Variants in ASB13 observed in about 807,000 individuals in gnomAD.
The protein encoded by ASB13 is ankyrin repeat and SOCS box protein 13.
In ASB13, 33 loss-of-function variants were observed where a neutral mutation model predicts 28.8. That is an observed-to-expected ratio of 1.15 (90% confidence interval 0.87 to 1.53). The LOEUF is 1.53. Ranked by LOEUF, ASB13 falls within the 40% of genes most tolerant of loss-of-function variation. ASB13 has a pLI of 0.00. For missense variants in ASB13, 414 were observed against 390.1 expected (o/e 1.06, Z -0.52); for synonymous variants, 182 against 172.9 (o/e 1.05, Z -0.41).
At chr10:5,640,853 A>T (rs1272107680) in intron 5 of ASB13, 23 bp from the exon 6 acceptor site, 1 of 1,611,472 alleles carries the variant, frequency 6.2e-7, no homozygotes, top group Non-Finnish European at 8.5e-7. Context: ...GCAAGGAAGG[A>T]TGTGAGGTTA....
rs540265648 is a variant in ASB13, at chr10:5,663,814, C to T, written c.43+2695G>A. Among the ~76,000 whole-genome samples, 8 of 152,176 alleles carry T rather than the reference C, an allele frequency of 5.3e-5. No individual in the cohort carries two copies. In the South Asian group the frequency reaches 1.0e-3, roughly 20 times the overall value. The stretch of plus-strand genomic sequence containing the variant: ...AATTCCTATTTTAGGATAAAATAGC[C>T]GCCCACTCCAAGTAACTCTCTACCC... On this transcript the variant is annotated intron_variant, in intron 1 of 5. Transcript: ENST00000357700. This position sits in a 1 kb window ranked among gnomAD's most constrained non-coding sequence, Gnocchi z 4.9.
In ASB13 at chr10:5,655,875, G is replaced by T. The variant is rs1835062878; in HGVS notation, c.44-2825C>A. On this transcript the variant is annotated intron_variant, in intron 1 of 5. Coordinates refer to ENST00000357700, the MANE Select transcript of ASB13 (RefSeq NM_024701.4). This position sits in a 1 kb window ranked among gnomAD's most constrained non-coding sequence, Gnocchi z 6.2. ...GAGGCCACCTGAGCCGGGAAGGCGC[G>T]TTCCCGACGTGCCTCCATTCACAAG... Among the ~76,000 whole-genome samples the T allele has an allele frequency of 1.3e-5, 2 of 152,206 alleles. No homozygotes were observed. Among genetic ancestry groups the T allele is most frequent in the South Asian group, 4.1e-4 (2 of 4,828 alleles).
Position 5,649,099 on chromosome 10 carries a change from A to G in ASB13, c.388T>C (p.Ser130Pro), listed in dbSNP as rs1375352686. ...TCAATAAGAAGCCTCACACATTCGG[A>G]ACTCCCTTAAGATAAATGGAAAAGG... ...PLHEACMSGS[S>P]ECVRLLIDVG... The change falls in exon 4 of 6, where the codon TCC (serine) becomes CCC (proline). Residue 130 changes from serine (S) to proline (P), a missense_variant. By Grantham distance (74) the Ser-to-Pro change is moderately conservative (BLOSUM62 -1). Transcript: ENST00000357700. This position sits in a 1 kb window ranked among gnomAD's most constrained non-coding sequence, Gnocchi z 6.4. 3.3e-5 allele frequency: 54 copies of G among 1,614,094 alleles called. No individual in the cohort carries two copies. The highest frequency in any genetic ancestry group is 4.5e-5 in the Non-Finnish European group (53 of 1,180,040).
chr10:5,660,499 G>A lies in ASB13; in HGVS notation c.43+6010C>T, dbSNP rs1835143581. Among the ~76,000 whole-genome samples, 1 of 152,142 alleles carries A rather than the reference G, an allele frequency of 6.6e-6. No individual in the cohort carries two copies. The highest frequency in any genetic ancestry group is 6.5e-5 in the Admixed American group (1 of 15,270). On this transcript the variant is annotated intron_variant, in intron 1 of 5. Coordinates refer to ENST00000357700, the MANE Select transcript of ASB13 (RefSeq NM_024701.4). The surrounding 1 kb of genome is among the most constrained non-coding windows in gnomAD (Gnocchi z 6.1). ...ACCCTCAGGGAGCAGACTCTACAGGGGCAAGCTGCAGGAACCACCCTGCTC... is the reference window on the plus strand; with the variant it reads ...ACCCTCAGGGAGCAGACTCTACAGGAGCAAGCTGCAGGAACCACCCTGCTC...
Position 5,656,262 on chromosome 10 carries a change from G to A in ASB13, c.44-3212C>T, listed in dbSNP as rs980714226. ...CTAAAACCAATTATAAAGTCTGACTGGTCAAGGTGGTTCAAGCCTGTAATC... is the reference window on the plus strand; with the variant it reads ...CTAAAACCAATTATAAAGTCTGACTAGTCAAGGTGGTTCAAGCCTGTAATC... On this transcript the variant is annotated intron_variant, in intron 1 of 5. Transcript: ENST00000357700. The surrounding 1 kb of genome is among the most constrained non-coding windows in gnomAD (Gnocchi z 4.3). Among the ~76,000 whole-genome samples, 1 of 152,226 alleles carries A rather than the reference G, an allele frequency of 6.6e-6. No homozygotes were observed. The highest frequency in any genetic ancestry group is 2.1e-4 in the South Asian group (1 of 4,832).
In ASB13 at chr10:5,642,023, T is replaced by C; in HGVS notation, c.518-62A>G. On this transcript the variant is annotated intron_variant, in intron 4 of 5. Transcript: ENST00000357700. This position sits in a 1 kb window ranked among gnomAD's most constrained non-coding sequence, Gnocchi z 4.1. ...AGAGAACTTGAAGTCAGGGGGACAATCAGGTCCGTTTCGTCACACAGCACG... is the reference window on the plus strand; with the variant it reads ...AGAGAACTTGAAGTCAGGGGGACAACCAGGTCCGTTTCGTCACACAGCACG... 1 of 1,527,974 alleles carries C rather than the reference T, an allele frequency of 6.5e-7. No individual in the cohort carries two copies. Among genetic ancestry groups the C allele is most frequent in the Non-Finnish European group, 9.0e-7 (1 of 1,116,898 alleles). The allele number at this position is 1,527,974 out of a possible 1,614,324, so 94.7% of individuals were successfully genotyped here.
chr10:5,660,231 G>A lies in ASB13; in HGVS notation c.43+6278C>T, dbSNP rs1211175493. Among the ~76,000 whole-genome samples the A allele has an allele frequency of 6.6e-6, 1 of 152,202 alleles. No homozygotes were observed. The highest frequency in any genetic ancestry group is 1.5e-5 in the Non-Finnish European group (1 of 68,036). ...TGCAGACTACGGCAGACGTCACCTT[G>A]AGAAGGAATGACACGTGCTTCAGAA... On this transcript the variant is annotated intron_variant, in intron 1 of 5. Transcript: ENST00000357700. The surrounding 1 kb of genome is among the most constrained non-coding windows in gnomAD (Gnocchi z 6.1).
chr10:5,647,957 C>G (rs1192400364), intron 4 of ASB13, among the ~76,000 whole-genome samples: 2 of 151,546 alleles, frequency 1.3e-5, no homozygotes, highest in Admixed American at 6.6e-5. Flanking sequence ...AATACACACT[C>G]TGCAGGTAAA....
At position 5,651,552 on chromosome 10, in the gene ASB13, G is replaced by A; in HGVS notation, c.232-189C>T. On this transcript the variant is annotated intron_variant, in intron 2 of 5. Transcript: ENST00000357700. This position sits in a 1 kb window ranked among gnomAD's most constrained non-coding sequence, Gnocchi z 5.1. ...CGGAGCACCGACGGCCTCCTGAGTA[G>A]AGAAGTCATCTCGTTCAGGATTCTT... is the stretch of plus-strand genomic sequence containing the variant. 1 of 600,574 alleles carries A rather than the reference G, an allele frequency of 1.7e-6. No homozygotes were observed. The highest frequency in any genetic ancestry group is 2.8e-6 in the Non-Finnish European group (1 of 353,372). The allele number at this position is 600,574 out of a possible 1,614,324, so 37.2% of individuals were successfully genotyped here. A position where few individuals can be genotyped will look rare whatever the true frequency, so the allele number is the denominator to read the frequency against.
At position 5,658,292 on chromosome 10, in the gene ASB13, A is replaced by G. The variant is rs1268976114; in HGVS notation, c.44-5242T>C. Among the ~76,000 whole-genome samples the G allele has an allele frequency of 6.6e-6, 1 of 152,170 alleles. No homozygotes were observed. Among genetic ancestry groups the G allele is most frequent in the Non-Finnish European group, 1.5e-5 (1 of 68,028 alleles). On this transcript the variant is annotated intron_variant, in intron 1 of 5. Transcript: ENST00000357700. This position sits in a 1 kb window ranked among gnomAD's most constrained non-coding sequence, Gnocchi z 4.2. Reference sequence around the variant, plus strand: ...CTAAAATTACAAAAATTAGCTGGGCATGGTGGCCCATGCCTATAATCCCAG... The same window carrying G: ...CTAAAATTACAAAAATTAGCTGGGCGTGGTGGCCCATGCCTATAATCCCAG...
rs904568493 is a variant in ASB13 at position 5,656,340 on chromosome 10, C to G, written c.44-3290G>C. Among the ~76,000 whole-genome samples, 1 of 152,186 alleles carries G rather than the reference C, an allele frequency of 6.6e-6. No homozygotes were observed. Among genetic ancestry groups the G allele is most frequent in the South Asian group, 2.1e-4 (1 of 4,828 alleles). On this transcript the variant is annotated intron_variant, in intron 1 of 5. Transcript: ENST00000357700. This position sits in a 1 kb window ranked among gnomAD's most constrained non-coding sequence, Gnocchi z 4.3. ...GGATCACGAGGTCAGGAGTTTGAGA[C>G]CAGCCTGGCCAACATGGTGAAACCC... is the stretch of plus-strand genomic sequence containing the variant.
At chr10:5,640,956 T>A in intron 5 of ASB13, 126 bp from the exon 6 acceptor site, 1 of 1,267,074 alleles carries the variant, frequency 7.9e-7, no homozygotes. Flanking sequence ...ATGTGTCCTG[T>A]AGGCCTTCTC....
chr10:5,666,406 CG>C, intron 1 of ASB13, 102 bp downstream of exon 1: 1 of 1,057,070 alleles, frequency 9.5e-7, no homozygotes, highest in Non-Finnish European at 1.2e-6. Flanking sequence ...GGAGCCAGCG[CG>C]GGGCGCGCCA....
In ASB13 at chr10:5,663,015, A is replaced by G. The variant is rs932940871; in HGVS notation, c.43+3494T>C. Among the ~76,000 whole-genome samples, 9 of 152,334 alleles carry G rather than the reference A, an allele frequency of 5.9e-5. No homozygotes were observed. The highest frequency in any genetic ancestry group is 2.2e-4 in the African/African-American group (9 of 41,564). ...GGCTCAGTGTTTTGTTGCTACAGTG[A>G]TATTTTTCAACCATGTCTTTTTAAA... On this transcript the variant is annotated intron_variant, in intron 1 of 5. Coordinates refer to ENST00000357700, the MANE Select transcript of ASB13 (RefSeq NM_024701.4). The surrounding 1 kb of genome is among the most constrained non-coding windows in gnomAD (Gnocchi z 4.9).
At position 5,660,905 on chromosome 10, in the gene ASB13, C is replaced by T. The variant is rs1207552313; in HGVS notation, c.43+5604G>A. On this transcript the variant is annotated intron_variant, in intron 1 of 5. Transcript: ENST00000357700. The surrounding 1 kb of genome is among the most constrained non-coding windows in gnomAD (Gnocchi z 6.1). ...CCTTGCAAGCCACCCAGCAGTGTGC[C>T]GGGCCATCTCGCCAGCTGGCTGCTG... Among the ~76,000 whole-genome samples, 3 of 152,180 alleles carry T rather than the reference C, an allele frequency of 2.0e-5. No individual in the cohort carries two copies. Among genetic ancestry groups the T allele is most frequent in the South Asian group, 4.1e-4 (2 of 4,826 alleles).
chr10:5,649,602 T>A lies in ASB13; in HGVS notation c.383-498A>T, dbSNP rs1834953461. Reference sequence around the variant, plus strand: ...ATGCAGTGGTGCGATCTCAGCTCACTACAACCGCCATCTCCCGGGTTAAAG... The same window carrying A: ...ATGCAGTGGTGCGATCTCAGCTCACAACAACCGCCATCTCCCGGGTTAAAG... On this transcript the variant is annotated intron_variant, in intron 3 of 5. Coordinates refer to ENST00000357700, the MANE Select transcript of ASB13 (RefSeq NM_024701.4). The surrounding 1 kb of genome is among the most constrained non-coding windows in gnomAD (Gnocchi z 6.4). Among the ~76,000 whole-genome samples the A allele has an allele frequency of 6.6e-6, 1 of 151,548 alleles. No homozygotes were observed.
In ASB13 at chr10:5,652,459, A is replaced by G. The variant is rs1476293292; in HGVS notation, c.231+404T>C. On this transcript the variant is annotated intron_variant, in intron 2 of 5. Coordinates refer to ENST00000357700, the MANE Select transcript of ASB13 (RefSeq NM_024701.4). The surrounding 1 kb of genome is among the most constrained non-coding windows in gnomAD (Gnocchi z 5.0). ...TTTACACCAGGGAAAGCAGCAACAC[A>G]GTTTTGTTTTTGTTCCTTTTTTCAG... is the stretch of plus-strand genomic sequence containing the variant. Among the ~76,000 whole-genome samples the G allele has an allele frequency of 6.6e-6, 1 of 152,142 alleles. No homozygotes were observed. Among genetic ancestry groups the G allele is most frequent in the Admixed American group, 6.5e-5 (1 of 15,282 alleles).
chr10:5,649,198 T>G lies in ASB13; in HGVS notation c.383-94A>C. ...GCGGCAGGGGCAGCAGCCTCCATCC[T>G]TGGTGCAGGGCAGGGAAGCCAGGCA... On this transcript the variant is annotated intron_variant, in intron 3 of 5. Transcript: ENST00000357700. This position sits in a 1 kb window ranked among gnomAD's most constrained non-coding sequence, Gnocchi z 6.4. 1 of 1,551,850 alleles carries G rather than the reference T, an allele frequency of 6.4e-7. No individual in the cohort carries two copies. Among genetic ancestry groups the G allele is most frequent in the Non-Finnish European group, 8.8e-7 (1 of 1,141,286 alleles).
chr10:5,663,249 G>T lies in ASB13; in HGVS notation c.43+3260C>A, dbSNP rs929252461. On this transcript the variant is annotated intron_variant, in intron 1 of 5. Coordinates refer to ENST00000357700, the MANE Select transcript of ASB13 (RefSeq NM_024701.4). This position sits in a 1 kb window ranked among gnomAD's most constrained non-coding sequence, Gnocchi z 4.9. ...AAGGAGAAAAGAGGTGAAAATAGGTGGGCTAAGGAGTAAAGGAACTGGGAG... is the reference window on the plus strand; with the variant it reads ...AAGGAGAAAAGAGGTGAAAATAGGTTGGCTAAGGAGTAAAGGAACTGGGAG... Among the ~76,000 whole-genome samples, 1 of 152,154 alleles carries T rather than the reference G, an allele frequency of 6.6e-6. No homozygotes were observed. The highest frequency in any genetic ancestry group is 2.1e-4 in the South Asian group (1 of 4,828).
Sources: gnomAD v4.1 joint callset for allele counts (sites outside exome capture counted in the v4.1 genomes callset) on GRCh38, gnomAD v4.1.1 for gene constraint, Gnocchi (gnomAD v3.1) non-coding constraint, MANE v1.5 for transcripts, NCBI Gene and HGNC (gene_info 2026-07-23, HGNC 2026-07-21) for gene names.